FLNC: variants seen among roughly 807,000 people sequenced by gnomAD.
FLNC encodes filamin C.
FLNC carries 91 observed loss-of-function variants against 254.3 expected under a neutral mutation model. The ratio of observed to expected loss-of-function variants is 0.36; its 90% CI spans 0.30 to 0.43. FLNC has a LOEUF of 0.43. Ranked by LOEUF, FLNC falls within the 20% of genes least tolerant of loss-of-function variation. The pLI, the probability that FLNC is intolerant of heterozygous loss-of-function variation, is 1.00. For missense variants in FLNC, 2,853 were observed against 3,802.6 expected (o/e 0.75, Z 6.57); for synonymous variants, 1,430 against 1,577.2 (o/e 0.91, Z 2.21).
At chr7:128,838,470 C>A in intron 7 of FLNC, 41 bp downstream of exon 7, 1 of 1,607,790 alleles carries the variant, frequency 6.2e-7, no homozygotes, top group Non-Finnish European at 8.5e-7. Context: ...AAGCCCCTGA[C>A]CATGTGGGGC....
rs190544101 is a variant in FLNC at position 128,835,799 on chromosome 7, C to G, written c.601+225C>G. Among the ~76,000 whole-genome samples the G allele has an allele frequency of 2.8e-4, 43 of 152,292 alleles. No individual in the cohort carries two copies. The East Asian group carries it at 4.2e-3, about 15-fold the overall frequency. ...CGCAGAGGCAGGAAGAGGTTTAAAA[C>G]CCCTCATTTTACAGACAAGGACACT... On this transcript the variant is annotated intron_variant, in intron 2 of 47. Coordinates refer to ENST00000325888, the MANE Select transcript of FLNC (RefSeq NM_001458.5). This position sits in a 1 kb window ranked among gnomAD's most constrained non-coding sequence, Gnocchi z 5.3.
chr7:128,831,728 G>T (rs576945325), intron 1 of FLNC, among the ~76,000 whole-genome samples: 20 of 152,324 alleles, frequency 1.3e-4, no homozygotes, highest in African/African-American at 4.6e-4. Context: ...AACGGTCTGG[G>T]CTGCGGGGAG....
chr7:128,858,279 G>A lies in FLNC; in HGVS notation c.7991-57G>A. On this transcript the variant is annotated intron_variant, in intron 47 of 47. Transcript: ENST00000325888. The surrounding 1 kb of genome is among the most constrained non-coding windows in gnomAD (Gnocchi z 6.7). ...GCAAGAAGCCGTCAGGGAGCAGGGT[G>A]TGGGTCACAGTAGGGGACTCCCTGG... The A allele has an allele frequency of 8.1e-7, 1 of 1,235,432 alleles. No homozygotes were observed. The highest frequency in any genetic ancestry group is 1.2e-6 in the Non-Finnish European group (1 of 846,738). The allele number at this position is 1,235,432 out of a possible 1,614,324, so 76.5% of individuals were successfully genotyped here.
intron 23 of FLNC, 64 bp from the exon 24 acceptor site, chr7:128,846,681 T>C: frequency 1.3e-6 from 2 of 1,541,218 alleles, no homozygotes; most frequent in Non-Finnish European, 1.8e-6. Context: ...GTCCCCCCAT[T>C]CAGCTACTCC....
chr7:128,840,466 A>G (rs1314695731), intron 9 of FLNC, 82 bp from the exon 10 acceptor site: 8 of 1,597,864 alleles, frequency 5.0e-6, no homozygotes, highest in African/African-American at 1.3e-5. Flanking sequence ...CGGGGTCCCA[A>G]TGGCTCCTTG....
chr7:128,837,173 C>T lies in FLNC; in HGVS notation c.615C>T (p.Asp205=), dbSNP rs750916348. The T allele has an allele frequency of 6.2e-7, 1 of 1,601,802 alleles. No individual in the cohort carries two copies. Among genetic ancestry groups the T allele is most frequent in the South Asian group, 1.1e-5 (1 of 88,704 alleles). ...VDNCAPGLCP[D]WEAWDPNQPV... is the part of the protein sequence containing the mutation. ...TCACCTCTCCAGGTCTCTGCCCCGA[C>T]TGGGAGGCCTGGGACCCCAACCAGC... Residue 205 remains aspartate (D), a synonymous_variant, in exon 3 of 48, where the codon GAC becomes GAT. Transcript: ENST00000325888.
Position 128,844,756 on chromosome 7 carries a change from G to A in FLNC, c.3291G>A (p.Leu1097=). ...TKGAGTGGLG[L]TVEGPCEAKI... ...GGGCTGGCACAGGTGGCCTGGGGCT[G>A]ACCGTAGAGGGCCCCTGCGAGGCCA... Residue 1097 remains leucine (L), a synonymous_variant, in exon 21 of 48, where the codon CTG becomes CTA. Transcript: ENST00000325888. The A allele has an allele frequency of 6.2e-7, 1 of 1,614,012 alleles. No homozygotes were observed. The highest frequency in any genetic ancestry group is 8.5e-7 in the Non-Finnish European group (1 of 1,180,028).
intron 35 of FLNC, among the ~76,000 whole-genome samples, chr7:128,852,362 C>A (rs1378328542): frequency 6.6e-6 from 1 of 152,208 alleles, no homozygotes; most frequent in Non-Finnish European, 1.5e-5. Flanking sequence ...ATTTAGCCCA[C>A]AAGGACTGAG....
At position 128,830,626 on chromosome 7, in the gene FLNC, G is replaced by T. The variant is rs199842696; in HGVS notation, c.-12G>T. 1,583 of 1,611,332 alleles carry T rather than the reference G, an allele frequency of 9.8e-4. 16 individuals carry two copies. The African/African-American group carries it at 0.019, about 19-fold the overall frequency. On this transcript the variant is annotated 5_prime_UTR_variant, in exon 1 of 48. Coordinates refer to ENST00000325888, the MANE Select transcript of FLNC (RefSeq NM_001458.5). The stretch of plus-strand genomic sequence containing the variant: ...GGCCCTAGCCCCGGCCGCACCCCCA[G>T]CCCGCGCCAGCATGATGAACAACAG...
chr7:128,849,838 T>G, intron 30 of FLNC, 138 bp from the exon 31 acceptor site: 1 of 781,082 alleles, frequency 1.3e-6, no homozygotes, highest in Non-Finnish European at 2.2e-6. Flanking sequence ...CCCAGCTCCA[T>G]CTCCCCAGAG....
chr7:128,855,640 C>A (rs1043313821), intron 43 of FLNC, among the ~76,000 whole-genome samples: 1 of 152,208 alleles, frequency 6.6e-6, no homozygotes, highest in African/African-American at 2.4e-5. Context: ...AGAATGAGAG[C>A]ATAAAATCTA....
At chr7:128,839,230 G>A (rs1026855149) in intron 8 of FLNC, among the ~76,000 whole-genome samples, 7 of 152,216 alleles carry the variant, frequency 4.6e-5, no homozygotes, top group African/African-American at 1.4e-4. Flanking sequence ...GGCCCGGGCC[G>A]TGTGGAATCG....
At chr7:128,845,938 C>G in intron 21 of FLNC, 52 bp from the exon 22 acceptor site, 1 of 1,554,724 alleles carries the variant, frequency 6.4e-7, no homozygotes, top group East Asian at 2.2e-5. Flanking sequence ...GAGGGAGCAT[C>G]TGTGTGAAGG....
intron 35 of FLNC, 124 bp from the exon 36 acceptor site, chr7:128,852,467 C>A: frequency 1.8e-6 from 2 of 1,118,244 alleles, no homozygotes; most frequent in South Asian, 1.3e-5. Context: ...GGCCTCCGTG[C>A]ACCTGGGAGT....
Position 128,840,103 on chromosome 7 carries a change from A to G in FLNC, c.1492A>G (p.Lys498Glu), listed in dbSNP as rs781127889. ...GVRVKEVADF[K>E]VFTKGAGSGE... Reference sequence around the variant, plus strand: ...TCGCGTGAAAGAGGTGGCTGACTTCAAGGTGTTTACCAAGGGTGCCGGCAG... The same window carrying G: ...TCGCGTGAAAGAGGTGGCTGACTTCGAGGTGTTTACCAAGGGTGCCGGCAG... Residue 498 changes from lysine to glutamate, a missense_variant, in exon 9 of 48, where the codon AAG (lysine) becomes GAG (glutamate). Lys to Glu is a moderately conservative substitution (Grantham distance 56). Coordinates refer to ENST00000325888, the MANE Select transcript of FLNC (RefSeq NM_001458.5). The G allele has an allele frequency of 2.4e-5, 38 of 1,614,036 alleles. No individual in the cohort carries two copies. The Admixed American group carries it at 6.3e-4, about 27-fold the overall frequency.
In FLNC at chr7:128,848,547, T is replaced by C; in HGVS notation, c.4581-14T>C. 1 of 1,613,500 alleles carries C rather than the reference T, an allele frequency of 6.2e-7. No homozygotes were observed. Among genetic ancestry groups the C allele is most frequent in the African/African-American group, 1.3e-5 (1 of 75,046 alleles). ...TGCCACCCAGCCAACTGTTTATCCC[T>C]TCTGCTCCTCAAGCCCCTTCAAGAT... On this transcript the variant is annotated splice_polypyrimidine_tract_variant and intron_variant, in intron 26 of 47. Coordinates refer to ENST00000325888, the MANE Select transcript of FLNC (RefSeq NM_001458.5).
At position 128,856,064 on chromosome 7, in the gene FLNC, A is replaced by G. The variant is rs927023782; in HGVS notation, c.7252-454A>G. Among the ~76,000 whole-genome samples, 2 of 151,996 alleles carry G rather than the reference A, an allele frequency of 1.3e-5. No homozygotes were observed. Among genetic ancestry groups the G allele is most frequent in the African/African-American group, 2.4e-5 (1 of 41,376 alleles). On this transcript the variant is annotated intron_variant, in intron 43 of 47. Transcript: ENST00000325888. This position sits in a 1 kb window ranked among gnomAD's most constrained non-coding sequence, Gnocchi z 5.9. Reference sequence around the variant, plus strand: ...ACTGGGCTCCCCGATGCAGGCTCCAATCCCTCCCCCAGAGCCCTTCTGTGC... The same window carrying G: ...ACTGGGCTCCCCGATGCAGGCTCCAGTCCCTCCCCCAGAGCCCTTCTGTGC...
In FLNC at chr7:128,854,096, C is replaced by T. The variant is rs758838323; in HGVS notation, c.6607C>T (p.Arg2203Cys). ...ISKTRGGETKREVRVEESTQV... is the reference protein window; with the variant it reads ...ISKTRGGETKCEVRVEESTQV... ...CAAGACGCGGGGCGGGGAGACAAAG[C>T]GCGAGGTGCGGGTGGAGGAGTCCAC... Residue 2203 changes from arginine (R) to cysteine (C), a missense_variant, in exon 40 of 48, where the codon CGC (arginine) becomes TGC (cysteine). Coordinates refer to ENST00000325888, the MANE Select transcript of FLNC (RefSeq NM_001458.5). The T allele has an allele frequency of 1.1e-5, 18 of 1,612,886 alleles. No homozygotes were observed. The highest frequency in any genetic ancestry group is 1.4e-5 in the Non-Finnish European group (16 of 1,179,934).
At position 128,835,283 on chromosome 7, in the gene FLNC, G is replaced by A. The variant is rs368590657; in HGVS notation, c.353-43G>A. The A allele has an allele frequency of 6.2e-7, 1 of 1,611,246 alleles. No homozygotes were observed. The highest frequency in any genetic ancestry group is 8.5e-7 in the Non-Finnish European group (1 of 1,179,752). On this transcript the variant is annotated intron_variant, in intron 1 of 47. Transcript: ENST00000325888. The surrounding 1 kb of genome is among the most constrained non-coding windows in gnomAD (Gnocchi z 5.3). The stretch of plus-strand genomic sequence containing the variant: ...AGGGAGGGTGCTCTGGGGCAGTGGA[G>A]GGTGGGGCGCCCCTGAGCCCGTCTG...
Sources: allele counts gnomAD v4.1 joint callset (sites outside exome capture counted in the v4.1 genomes callset), GRCh38; gene constraint gnomAD v4.1.1; non-coding constraint Gnocchi (gnomAD v3.1); transcripts MANE v1.5; gene names NCBI Gene and HGNC (gene_info 2026-07-23, HGNC 2026-07-21).